The following NRP1 variants were observed in gnomAD, a reference collection of about 807,000 sequenced individuals.
NRP1 encodes the protein neuropilin-1.
Under a neutral mutation model 106.7 loss-of-function variants are expected in NRP1, and 35 were observed. The observed-to-expected ratio is 0.33, with a 90% CI of 0.25 to 0.43. NRP1 has a LOEUF of 0.43. Among genes scored for constraint, NRP1 ranks in the 20% least tolerant of loss-of-function variants. The pLI, the probability that NRP1 is intolerant of heterozygous loss-of-function variation, is 1.00. For synonymous variants in NRP1, 437 were observed against 417.9 expected (o/e 1.05, Z -0.56); for missense variants, 1,024 against 1,170.4 (o/e 0.87, Z 1.83).
chr10:33,205,269 T>C (rs1837676905), intron 10 of NRP1, among the ~76,000 whole-genome samples: 1 of 152,200 alleles, frequency 6.6e-6, no homozygotes. Flanking sequence ...TTGTTTCACA[T>C]ACGGCCCAGG....
intron 2 of NRP1, among the ~76,000 whole-genome samples, chr10:33,275,196 C>A (rs1490580126): frequency 6.6e-6 from 1 of 152,154 alleles, no homozygotes; most frequent in East Asian, 1.9e-4. Context: ...AGAGTCATAG[C>A]CTCTTATTTA....
intron 2 of NRP1, among the ~76,000 whole-genome samples, chr10:33,325,117 C>T (rs1437362472): frequency 6.6e-6 from 1 of 152,100 alleles, no homozygotes; most frequent in African/African-American, 2.4e-5. Flanking sequence ...ATGTATCCAC[C>T]TTGCAAAATT....
intron 12 of NRP1, among the ~76,000 whole-genome samples, chr10:33,195,969 C>T (rs1836754130): frequency 6.6e-6 from 1 of 152,146 alleles, no homozygotes. Context: ...TGCCCTCTGA[C>T]CACAGTAGAC....
chr10:33,299,203 C>T (rs1012484269), intron 2 of NRP1, among the ~76,000 whole-genome samples: 5 of 152,158 alleles, frequency 3.3e-5, no homozygotes, highest in Admixed American at 1.3e-4. Context: ...ATGAGCCAAA[C>T]CTGCACCCCA....
Position 33,186,162 on chromosome 10 carries a change from T to C in NRP1, c.2334+55A>G, listed in dbSNP as rs1479689336. The C allele has an allele frequency of 3.9e-6, 6 of 1,523,272 alleles. No individual in the cohort carries two copies. In the Admixed American group the frequency reaches 8.5e-5, roughly 22 times the overall value. 94.4% of individuals were successfully genotyped at this position (1,523,272 alleles called of 1,614,324 possible). A position where few individuals can be genotyped will look rare whatever the true frequency, so the allele number is the denominator to read the frequency against. Reference sequence around the variant, plus strand: ...TCTCATTTGCACAGCCTCCAACATATCATCTCAGCATTCCTGCAGCCACTG... The same window carrying C: ...TCTCATTTGCACAGCCTCCAACATACCATCTCAGCATTCCTGCAGCCACTG... On this transcript the variant is annotated intron_variant, in intron 14 of 16. Transcript: ENST00000374867.
chr10:33,183,605 T>A (rs1038520255), intron 15 of NRP1, among the ~76,000 whole-genome samples: 1 of 152,248 alleles, frequency 6.6e-6, no homozygotes, highest in Admixed American at 6.5e-5. Context: ...AGAGTTCCAG[T>A]ATTCCTGTGG....
chr10:33,226,987 A>T (rs931488086), intron 6 of NRP1, among the ~76,000 whole-genome samples: 1 of 152,158 alleles, frequency 6.6e-6, no homozygotes, highest in Non-Finnish European at 1.5e-5. Context: ...GTCACAAGCC[A>T]CTGCTCACTC....
rs751898997 is a variant in NRP1 at position 33,207,657 on chromosome 10, GGA to G, written c.1672_1673del (p.Ser558HisfsTer26). ...TPELRTFPAL[S>X]TRFIRIYPER... ...CGGGGTAGATCCTGATGAATCGCGT[GGA>G]GAGAGCTGGAAAAGTCCGCAGCTCA... On this transcript the variant is annotated frameshift_variant, in exon 10 of 17. Transcript: ENST00000374867. LOFTEE classifies it high-confidence loss of function. 1 of 1,614,114 alleles carries G rather than the reference GGA, an allele frequency of 6.2e-7. No individual in the cohort carries two copies.
chr10:33,245,349 A>T (rs1841339491), intron 6 of NRP1, among the ~76,000 whole-genome samples: 1 of 152,212 alleles, frequency 6.6e-6, no homozygotes, highest in South Asian at 2.1e-4. Context: ...TCTAGTGAGC[A>T]GAGGCCTGGG....
rs1837462282 is a variant in NRP1 at position 33,202,976 on chromosome 10, G to T, written c.1779C>A (p.Thr593=). ...CATCCACCAAGTTCCCGTTGGGAGT[G>T]GTCGGTCCAGCTGTAGGGGCTGAAA... The part of the protein sequence containing the change: ...CEVEAPTAGP[T]TPNGNLVDEC... Residue 593 remains threonine, a synonymous_variant, in exon 11 of 17, where the codon ACC becomes ACA. Transcript: ENST00000374867. 1 of 1,613,738 alleles carries T rather than the reference G, an allele frequency of 6.2e-7. No homozygotes were observed. The highest frequency in any genetic ancestry group is 1.3e-5 in the African/African-American group (1 of 74,926).
chr10:33,187,728 C>T (rs1041819315), intron 13 of NRP1, among the ~76,000 whole-genome samples: 1 of 152,162 alleles, frequency 6.6e-6, no homozygotes, highest in Non-Finnish European at 1.5e-5. Flanking sequence ...ATCTGCTGCT[C>T]GGGCCTCAGT....
rs751738413 is a variant in NRP1 at position 33,330,849 on chromosome 10, G to A, written c.107C>T (p.Pro36Leu). 1 of 1,610,088 alleles carries A rather than the reference G, an allele frequency of 6.2e-7. No individual in the cohort carries two copies. Among genetic ancestry groups the A allele is most frequent in the Middle Eastern group, 1.7e-4 (1 of 6,034 alleles). Residue 36 changes from proline to leucine, a missense_variant, in exon 2 of 17, where the codon CCC becomes CTC. Pro to Leu is a moderately conservative substitution (Grantham distance 98, BLOSUM62 -3). Transcript: ENST00000374867. ...ATAACCAGGAGATGTAAGGTACCCGGGGCTTTCAATTTTTATAGTATCGCC... is the reference window on the plus strand; with the variant it reads ...ATAACCAGGAGATGTAAGGTACCCGAGGCTTTCAATTTTTATAGTATCGCC... The part of the protein sequence containing the change: ...KCGDTIKIES[P>L]GYLTSPGYPH...
rs949845823 is a variant in NRP1 at position 33,272,955 on chromosome 10, A to G, written c.249-2099T>C. Among the ~76,000 whole-genome samples, 3 of 152,068 alleles carry G rather than the reference A, an allele frequency of 2.0e-5. No homozygotes were observed. In the South Asian group the frequency reaches 6.2e-4, roughly 31 times the overall value. On this transcript the variant is annotated intron_variant, in intron 2 of 16. Coordinates refer to ENST00000374867, the MANE Select transcript of NRP1 (RefSeq NM_003873.7). The stretch of plus-strand genomic sequence containing the variant: ...ATACGTTCCTCTCAGGTAGCAGAGA[A>G]CTCAGCTAATATAGTGCCGGTGGAT...
intron 6 of NRP1, among the ~76,000 whole-genome samples, chr10:33,232,144 A>G (rs1840186783): frequency 6.6e-6 from 1 of 152,122 alleles, no homozygotes; most frequent in Non-Finnish European, 1.5e-5. Context: ...CTGGTGACCC[A>G]AGACAAGCAG....
chr10:33,197,159 T>C lies in NRP1; in HGVS notation c.1924+491A>G, dbSNP rs1402919672. On this transcript the variant is annotated intron_variant, in intron 12 of 16. Transcript: ENST00000374867. ...GGTGCTGTTCCCAAGGGTGTGCTTC[T>C]CTCTGTGCACAATTATAAACTCTGG... Among the ~76,000 whole-genome samples the C allele has an allele frequency of 4.6e-5, 7 of 152,148 alleles. No individual in the cohort carries two copies. The East Asian group carries it at 1.4e-3, about 29-fold the overall frequency.
At position 33,185,687 on chromosome 10, in the gene NRP1, C is replaced by T. The variant is rs370117610; in HGVS notation, c.2372G>A (p.Gly791Asp). 1.9e-6 allele frequency: 3 copies of T among 1,614,146 alleles called. No individual in the cohort carries two copies. The highest frequency in any genetic ancestry group is 2.5e-6 in the Non-Finnish European group (3 of 1,179,998). Reference sequence around the variant, plus strand: ...ACTAATGTCATCCACAGCAATCCCACCAAGGTTTCCTTTTCCGATTTCGCC... The same window carrying T: ...ACTAATGTCATCCACAGCAATCCCATCAAGGTTTCCTTTTCCGATTTCGCC... ...FEGEIGKGNLGGIAVDDISIN... is the reference protein window; with the variant it reads ...FEGEIGKGNLDGIAVDDISIN... The change falls in exon 15 of 17, where the codon GGT (glycine) becomes GAT (aspartate). Residue 791 changes from glycine (G) to aspartate (D), a missense_variant. Physicochemically the swap from Gly to Asp is moderately conservative, Grantham distance 94. This residue lies in a region of NRP1 where 164 missense variants were observed against 161.4 expected (regional missense o/e 1.02). Transcript: ENST00000374867.
chr10:33,206,201 C>G (rs371785691), intron 10 of NRP1: 18 of 518,764 alleles, frequency 3.5e-5, no homozygotes, highest in African/African-American at 3.5e-4. Context: ...AGATTCGCAT[C>G]CAGGGAGCAG....
chr10:33,180,601 C>T (rs1180013277), intron 16 of NRP1, among the ~76,000 whole-genome samples: 1 of 152,112 alleles, frequency 6.6e-6, no homozygotes. Flanking sequence ...CTGGGAGGTT[C>T]CTTGCTCATC....
intron 8 of NRP1, among the ~76,000 whole-genome samples, chr10:33,218,596 C>T (rs1377183383): frequency 1.3e-5 from 2 of 152,086 alleles, no homozygotes; most frequent in Non-Finnish European, 2.9e-5. Flanking sequence ...CCACCTGCCT[C>T]GGCCTCCCAA....
Sources: gnomAD v4.1 joint callset for allele counts (sites outside exome capture counted in the v4.1 genomes callset) on GRCh38, gnomAD v4.1.1 for gene constraint, gnomAD v4.1.1 regional missense constraint, MANE v1.5 for transcripts, NCBI Gene and HGNC (gene_info 2026-07-23, HGNC 2026-07-21) for gene names.